The following POU2AF2 variants were observed in gnomAD, a reference collection of about 807,000 sequenced individuals.
The protein encoded by POU2AF2 is POU class 2 homeobox associating factor 2.
the POU2AF2 span, among the ~76,000 whole-genome samples, chr11:111,252,114 A>T: frequency 6.6e-6 from 1 of 152,212 alleles, no homozygotes; most frequent in Non-Finnish European, 1.5e-5. Flanking sequence ...TATACAAAGG[A>T]TCCAGCCTGG....
At chr11:111,255,844 C>A in the POU2AF2 span, 89 of 394,834 alleles carry the variant, frequency 2.3e-4, no homozygotes, top group Non-Finnish European at 3.5e-4. Flanking sequence ...GCTACTCTAT[C>A]AAAGCCACTT....
At chr11:111,263,427 C>CTTTTTTT in the POU2AF2 span, among the ~76,000 whole-genome samples, 16 of 96,140 alleles carry the variant, frequency 1.7e-4, no homozygotes, top group East Asian at 1.4e-3. Flanking sequence ...TACTGAAGTT[C>CTTTTTTT]TTTTTTTTTT....
At chr11:111,268,880 A>G in the POU2AF2 span, among the ~76,000 whole-genome samples, 1 of 151,362 alleles carries the variant, frequency 6.6e-6, no homozygotes, top group Non-Finnish European at 1.5e-5. Flanking sequence ...TTAGCTTTTT[A>G]TTTCTTTCCA....
the POU2AF2 span, chr11:111,284,260 C>A: frequency 1.2e-6 from 2 of 1,614,176 alleles, no homozygotes; most frequent in Non-Finnish European, 1.7e-6. Context: ...CCCAGGAGCC[C>A]TACGGAGACT....
At chr11:111,284,053 A>G in the POU2AF2 span, 3 of 1,603,482 alleles carry the variant, frequency 1.9e-6, no homozygotes, top group South Asian at 1.1e-5. Flanking sequence ...TTTTCTGCCC[A>G]TGTGTTTTTC....
the POU2AF2 span, among the ~76,000 whole-genome samples, chr11:111,250,228 C>T: frequency 6.6e-6 from 1 of 151,922 alleles, no homozygotes; most frequent in Admixed American, 6.6e-5. Flanking sequence ...TTAAATATGT[C>T]CTTTCCTTGT....
the POU2AF2 span, among the ~76,000 whole-genome samples, chr11:111,254,068 A>G: frequency 6.6e-6 from 1 of 152,206 alleles, no homozygotes; most frequent in African/African-American, 2.4e-5. Context: ...TCTCCCCACT[A>G]GATAGCCATG....
the POU2AF2 span, among the ~76,000 whole-genome samples, chr11:111,282,288 C>A: frequency 6.6e-6 from 1 of 152,148 alleles, no homozygotes; most frequent in Non-Finnish European, 1.5e-5. Flanking sequence ...TAACCGCTCT[C>A]ATAAATATAA....
At chr11:111,268,315 A>G in the POU2AF2 span, among the ~76,000 whole-genome samples, 1 of 152,260 alleles carries the variant, frequency 6.6e-6, no homozygotes, top group Non-Finnish European at 1.5e-5. Context: ...CTGATTTCTT[A>G]AAATTTACCA....
At chr11:111,273,276 A>G in the POU2AF2 span, among the ~76,000 whole-genome samples, 1 of 152,280 alleles carries the variant, frequency 6.6e-6, no homozygotes, top group African/African-American at 2.4e-5. Flanking sequence ...GCCCATTTAA[A>G]GACTAACTGT....
the POU2AF2 span, chr11:111,284,327 C>T: frequency 1.2e-6 from 2 of 1,611,796 alleles, no homozygotes; most frequent in Non-Finnish European, 1.7e-6. Context: ...CTCGCCCCTA[C>T]CGCCGCTCCT....
chr11:111,257,529 C>G, the POU2AF2 span, among the ~76,000 whole-genome samples: 8 of 151,976 alleles, frequency 5.3e-5, no homozygotes, highest in African/African-American at 9.7e-5. Flanking sequence ...CCACCACGCC[C>G]CACTAATTGT....
the POU2AF2 span, among the ~76,000 whole-genome samples, chr11:111,256,547 C>T: frequency 1.3e-5 from 2 of 152,366 alleles, no homozygotes; most frequent in East Asian, 1.9e-4. Flanking sequence ...GAGAGGGGCC[C>T]TGGCCCTTGC....
chr11:111,284,313 G>C, the POU2AF2 span: 1 of 1,611,718 alleles, frequency 6.2e-7, no homozygotes, highest in South Asian at 1.1e-5. Context: ...TCTCTGTTCA[G>C]CGCCTCGCCC....
the POU2AF2 span, among the ~76,000 whole-genome samples, chr11:111,284,854 C>T: frequency 6.6e-6 from 1 of 152,076 alleles, no homozygotes; most frequent in South Asian, 2.1e-4. Context: ...CCTAAAAATC[C>T]TTGTTCTCTC....
the POU2AF2 span, among the ~76,000 whole-genome samples, chr11:111,273,934 G>A: frequency 6.6e-6 from 1 of 152,138 alleles, no homozygotes; most frequent in Non-Finnish European, 1.5e-5. Context: ...TTTGCAGTAT[G>A]CAAAATAAAA....
At chr11:111,271,592 A>C in the POU2AF2 span, among the ~76,000 whole-genome samples, 7 of 151,680 alleles carry the variant, frequency 4.6e-5, no homozygotes, top group Non-Finnish European at 1.0e-4. Context: ...CAGTTAATTT[A>C]TTTTATTTTT....
chr11:111,268,643 C>T, the POU2AF2 span, among the ~76,000 whole-genome samples: 2 of 151,798 alleles, frequency 1.3e-5, no homozygotes, highest in East Asian at 1.9e-4. Context: ...AAGTAATTCT[C>T]CTGTCTCAGG....
At chr11:111,272,207 A>T in the POU2AF2 span, among the ~76,000 whole-genome samples, 1 of 152,090 alleles carries the variant, frequency 6.6e-6, no homozygotes, top group Non-Finnish European at 1.5e-5. Flanking sequence ...TCAGAACCAG[A>T]CTCAGATATC....
Sources: allele counts gnomAD v4.1 joint callset (sites outside exome capture counted in the v4.1 genomes callset), GRCh38; gene constraint gnomAD v4.1.1; transcripts MANE v1.5; gene names NCBI Gene and HGNC (gene_info 2026-07-23, HGNC 2026-07-21).